MRTFA: variants seen among roughly 807,000 people sequenced by gnomAD.
The protein encoded by MRTFA is myocardin-related transcription factor A.
Under a neutral mutation model 83.5 loss-of-function variants are expected in MRTFA, and 20 were observed. That is an observed-to-expected ratio of 0.24 (90% CI 0.17 to 0.35). The LOEUF (loss-of-function observed/expected upper bound fraction) is 0.35. Ranked by LOEUF, MRTFA falls within the 10% of genes least tolerant of loss-of-function variation. The pLI, the probability that MRTFA is intolerant of heterozygous loss-of-function variation, is 1.00. For synonymous variants in MRTFA, 659 were observed against 541.2 expected (o/e 1.22, Z -3.02); for missense variants, 1,200 against 1,224.7 (o/e 0.98, Z 0.30).
chr22:40,541,435 A>T (rs1463393930), intron 3 of MRTFA, among the ~76,000 whole-genome samples: 2 of 152,130 alleles, frequency 1.3e-5, no homozygotes, highest in African/African-American at 4.8e-5. Flanking sequence ...GGCTCCAACC[A>T]CTTAAGACTT....
intron 14 of MRTFA, among the ~76,000 whole-genome samples, chr22:40,414,145 C>T (rs910228529): frequency 6.6e-6 from 1 of 152,128 alleles, no homozygotes; most frequent in African/African-American, 2.4e-5. Flanking sequence ...TCAAAACCAG[C>T]CTGGGCAACA....
chr22:40,545,071 AG>A (rs964858944), intron 3 of MRTFA, among the ~76,000 whole-genome samples: 128 of 152,038 alleles, frequency 8.4e-4, no homozygotes, highest in African/African-American at 3.0e-3. Context: ...AATTAGTAAA[AG>A]AAATCACTTT....
chr22:40,411,147 C>A lies in MRTFA; in HGVS notation c.*243G>T. The stretch of plus-strand genomic sequence containing the variant: ...AAGCTGAAATGGCCCTGACCCTGAC[C>A]GTGTGTCCAAAACCCCAGCGTGAGA... On this transcript the variant is annotated 3_prime_UTR_variant, in exon 15 of 15. Transcript: ENST00000355630. 1 of 403,898 alleles carries A rather than the reference C, an allele frequency of 2.5e-6. No individual in the cohort carries two copies. Among genetic ancestry groups the A allele is most frequent in the Non-Finnish European group, 4.4e-6 (1 of 227,968 alleles). The allele number at this position is 403,898 out of a possible 1,614,324, so 25.0% of individuals were successfully genotyped here. A position where few individuals can be genotyped will look rare whatever the true frequency, so the allele number is the denominator to read the frequency against.
intron 12 of MRTFA, 105 bp from the exon 13 acceptor site, chr22:40,417,598 T>C (rs2052712951): frequency 1.4e-6 from 1 of 734,252 alleles, no homozygotes; most frequent in Admixed American, 2.9e-5. Context: ...TCTCACACTC[T>C]AGGAGGGAAG....
intron 1 of MRTFA, among the ~76,000 whole-genome samples, chr22:40,600,910 G>A (rs1261009477): frequency 6.6e-6 from 1 of 152,204 alleles, no homozygotes; most frequent in Non-Finnish European, 1.5e-5. Context: ...GGAAGGTGGA[G>A]GTTGCAGTGA....
chr22:40,419,697 T>C (rs986444574), intron 11 of MRTFA, among the ~76,000 whole-genome samples: 11 of 152,182 alleles, frequency 7.2e-5, no homozygotes, highest in Admixed American at 3.9e-4. Context: ...AAATATTCAA[T>C]GGAACAGACT....
intron 1 of MRTFA, among the ~76,000 whole-genome samples, chr22:40,622,014 T>C (rs2056528621): frequency 6.6e-6 from 1 of 152,054 alleles, no homozygotes; most frequent in Admixed American, 6.6e-5. Flanking sequence ...GTTGAGACTT[T>C]TGGGGATGTT....
chr22:40,589,643 G>T (rs539464075), intron 2 of MRTFA, among the ~76,000 whole-genome samples: 3 of 152,280 alleles, frequency 2.0e-5, no homozygotes, highest in African/African-American at 7.2e-5. Flanking sequence ...ACTGTGAAAA[G>T]GTTGTCAACA....
At chr22:40,565,318 G>T (rs1015438733) in intron 2 of MRTFA, among the ~76,000 whole-genome samples, 2 of 152,126 alleles carry the variant, frequency 1.3e-5, no homozygotes, top group Admixed American at 6.5e-5. Context: ...AGGCCAAGGC[G>T]GGAGGACCAC....
At chr22:40,459,687 C>G (rs1268803760) in intron 4 of MRTFA, among the ~76,000 whole-genome samples, 1 of 151,158 alleles carries the variant, frequency 6.6e-6, no homozygotes, top group Admixed American at 6.6e-5. Context: ...GACTCTCTCT[C>G]TCATATACAC....
At chr22:40,566,812 A>G (rs1014249471) in intron 2 of MRTFA, among the ~76,000 whole-genome samples, 1 of 152,214 alleles carries the variant, frequency 6.6e-6, no homozygotes, top group Non-Finnish European at 1.5e-5. Context: ...TCGCTTGGGC[A>G]ACAGAGCAAG....
intron 11 of MRTFA, 59 bp from the exon 12 acceptor site, chr22:40,419,443 C>T (rs2052777973): frequency 6.6e-7 from 1 of 1,526,064 alleles, no homozygotes; most frequent in Non-Finnish European, 9.0e-7. Context: ...GCACTGGGTC[C>T]AGGCAGAAGG....
chr22:40,621,182 TAAAAAAAAAA>T (rs764914497), intron 1 of MRTFA, among the ~76,000 whole-genome samples: 4 of 132,980 alleles, frequency 3.0e-5, no homozygotes, highest in Non-Finnish European at 4.9e-5. Context: ...ACTCTGTCTT[TAAAAAAAAAA>T]AAAAAAGAAG....
At chr22:40,558,816 A>C (rs905787348) in intron 2 of MRTFA, among the ~76,000 whole-genome samples, 1 of 148,048 alleles carries the variant, frequency 6.8e-6, no homozygotes, top group Non-Finnish European at 1.5e-5. Flanking sequence ...TTTTTGAGAC[A>C]GTCTCGCTCC....
chr22:40,459,822 C>CACATACATATATATAT (rs1308675939), intron 4 of MRTFA, among the ~76,000 whole-genome samples: 1 of 68,258 alleles, frequency 1.5e-5, no homozygotes, highest in Admixed American at 1.5e-4. Flanking sequence ...CACACACACA[C>CACATACATATATATAT]ATATATACAT....
At chr22:40,535,902 AAACAT>A (rs1395698812) in intron 3 of MRTFA, among the ~76,000 whole-genome samples, 1 of 152,194 alleles carries the variant, frequency 6.6e-6, no homozygotes, top group Non-Finnish European at 1.5e-5. Context: ...AATAACAAAT[AAACAT>A]AACATCTCAG....
In MRTFA at chr22:40,518,979, A is replaced by G. The variant is rs111882409; in HGVS notation, c.241+33127T>C. ...TATGTTTTCGTGATTTTTGTTTTGG[A>G]GGCTTTTGGTGGTGGTGGTGGTGGT... On this transcript the variant is annotated intron_variant, in intron 3 of 14. Coordinates refer to ENST00000355630, the MANE Select transcript of MRTFA (RefSeq NM_020831.6). Among the ~76,000 whole-genome samples, 1,116 of 148,916 alleles carry G rather than the reference A, an allele frequency of 7.5e-3. 25 individuals are homozygous for G. In the Middle Eastern group the frequency reaches 0.076, roughly 10 times the overall value.
At chr22:40,629,521 G>C (rs557261485) in intron 1 of MRTFA, among the ~76,000 whole-genome samples, 6 of 151,848 alleles carry the variant, frequency 4.0e-5, no homozygotes, top group Admixed American at 3.9e-4. Flanking sequence ...CAATACTTTG[G>C]GAGGCCGAGG....
intron 3 of MRTFA, among the ~76,000 whole-genome samples, chr22:40,471,236 A>AC (rs1431373701): frequency 4.1e-5 from 6 of 146,870 alleles, no homozygotes; most frequent in Admixed American, 6.8e-5. Context: ...AAAAAAAAAA[A>AC]AAAAAAAAAA....
Sources: gnomAD v4.1 joint callset for allele counts (sites outside exome capture counted in the v4.1 genomes callset) on GRCh38, gnomAD v4.1.1 for gene constraint, MANE v1.5 for transcripts, NCBI Gene and HGNC (gene_info 2026-07-23, HGNC 2026-07-21) for gene names.